Variants in RNF223 observed in about 807,000 individuals in gnomAD.
RNF223 encodes ring finger protein 223.
Under a neutral mutation model 13.9 loss-of-function variants are expected in RNF223, and 10 were observed. The ratio of observed to expected loss-of-function variants is 0.72; its 90% CI spans 0.44 to 1.22. The LOEUF (loss-of-function observed/expected upper bound fraction) is 1.22, where lower values mean the gene tolerates loss of function less well. RNF223 is among the 50% of genes most tolerant of loss of function. The probability of loss-of-function intolerance (pLI) is 0.00; values close to 1 mark genes in which losing one functional copy is unlikely to be tolerated. For missense variants in RNF223, 379 were observed against 380.0 expected, an observed-to-expected ratio of 1.00 and a Z score of 0.02; for synonymous variants, 168 against 173.3, an observed-to-expected ratio of 0.97 and a Z score of 0.24.
intron 1 of RNF223, among the ~76,000 whole-genome samples, chr1:1,073,648 C>T (rs1425210286): frequency 6.6e-6 from 1 of 152,108 alleles, no homozygotes; most frequent in Non-Finnish European, 1.5e-5. Flanking sequence ...CTGCAGGGAG[C>T]CACAGGGGTC....
rs1251190725 is a variant in RNF223 at position 1,072,426 on chromosome 1, G to A, written c.141C>T (p.Ser47=). The A allele has an allele frequency of 6.0e-6, 9 of 1,503,752 alleles. No homozygotes were observed. The highest frequency in any genetic ancestry group is 7.1e-6 in the Non-Finnish European group (8 of 1,133,088). 93.2% of individuals were successfully genotyped at this position (1,503,752 alleles called of 1,614,324 possible). A position where few individuals can be genotyped will look rare whatever the true frequency, so the allele number is the denominator to read the frequency against. The change falls in exon 2 of 2, where the codon TCC becomes TCT. Residue 47 remains serine, a synonymous_variant. Transcript: ENST00000453464. The part of the protein sequence containing the change: ...PGTPGSERVA[S]PLECSICFSG... ...AGAAACAGATGGAGCACTCCAGGGG[G>A]GAGGCCACCCTCTCCGAGCCAGGGG...
At position 1,072,021 on chromosome 1, in the gene RNF223, G is replaced by A; in HGVS notation, c.546C>T (p.Gly182=). 1 of 1,494,146 alleles carries A rather than the reference G, an allele frequency of 6.7e-7. No individual in the cohort carries two copies. Among genetic ancestry groups the A allele is most frequent in the Middle Eastern group, 1.7e-4 (1 of 5,846 alleles). 92.6% of individuals were successfully genotyped at this position (1,494,146 alleles called of 1,614,324 possible). A position where few individuals can be genotyped will look rare whatever the true frequency, so the allele number is the denominator to read the frequency against. The part of the protein sequence containing the change: ...APARDPAPRR[G]RLARCWARCR... ...AGCGCGCCCAGCAGCGGGCCAGGCG[G>A]CCCCGGCGGGGGGCAGGGTCCCGGG... is the stretch of plus-strand genomic sequence containing the variant. Residue 182 remains glycine, a synonymous_variant, in exon 2 of 2, where the codon GGC becomes GGT. Transcript: ENST00000453464.
chr1:1,072,287 C>T lies in RNF223; in HGVS notation c.280G>A (p.Glu94Lys). ...CTGCAGAAGGGGCAAGGTACAGCCT[C>T]ACCACCGGGGCGGCCCACAGGCTGA... ...AAQPVGRPGG[E>K]AVPCPFCRQP... The change falls in exon 2 of 2, where the codon GAG becomes AAG. Residue 94 changes from glutamate to lysine, a missense_variant. By Grantham distance (56) the Glu-to-Lys change is moderately conservative. Coordinates refer to ENST00000453464, the MANE Select transcript of RNF223 (RefSeq NM_001205252.2). The T allele has an allele frequency of 6.9e-7, 1 of 1,444,830 alleles. No individual in the cohort carries two copies. The highest frequency in any genetic ancestry group is 9.0e-7 in the Non-Finnish European group (1 of 1,105,488). 89.5% of individuals were successfully genotyped at this position (1,444,830 alleles called of 1,614,324 possible). A position where few individuals can be genotyped will look rare whatever the true frequency, so the allele number is the denominator to read the frequency against.
At position 1,072,160 on chromosome 1, in the gene RNF223, C is replaced by T. The variant is rs893818836; in HGVS notation, c.407G>A (p.Trp136Ter). ...PAHLRREEPVWLEGTKLCCQP... is the reference protein window; with the variant it reads ...PAHLRREEPV ...GCAGCACAGCTTGGTGCCCTCCAGCCACACAGGCTCCTCACGCCGCAAATG... is the reference window on the plus strand; with the variant it reads ...GCAGCACAGCTTGGTGCCCTCCAGCTACACAGGCTCCTCACGCCGCAAATG... The change falls in exon 2 of 2, where the codon TGG becomes TAG. Residue 136 changes from tryptophan to a stop codon, truncating the protein, a stop_gained. Coordinates refer to ENST00000453464, the MANE Select transcript of RNF223 (RefSeq NM_001205252.2). LOFTEE classifies it high-confidence loss of function. 1.5e-5 allele frequency: 22 copies of T among 1,513,712 alleles called. No homozygotes were observed. The African/African-American group carries it at 2.7e-4, about 19-fold the overall frequency. 93.8% of individuals were successfully genotyped at this position (1,513,712 alleles called of 1,614,324 possible).
Position 1,072,080 on chromosome 1 carries a change from C to G in RNF223, c.487G>C (p.Gly163Arg). 1.3e-6 allele frequency: 2 copies of G among 1,506,902 alleles called. No homozygotes were observed. The highest frequency in any genetic ancestry group is 1.8e-6 in the Non-Finnish European group (2 of 1,134,766). 93.3% of individuals were successfully genotyped at this position (1,506,902 alleles called of 1,614,324 possible). ...GGCGGCTCGGCAGGCTTGCTCAAAC[C>G]CACGTCCACGCATACGAAACCGGGC... ...REPGFVCVDV[G>R]LSKPAEPPAP... The change falls in exon 2 of 2, where the codon GGT becomes CGT. Residue 163 changes from glycine to arginine, a missense_variant. Coordinates refer to ENST00000453464, the MANE Select transcript of RNF223 (RefSeq NM_001205252.2).
At position 1,072,218 on chromosome 1, in the gene RNF223, T is replaced by C; in HGVS notation, c.349A>G (p.Thr117Ala). Residue 117 changes from threonine to alanine, a missense_variant, in exon 2 of 2, where the codon ACC becomes GCC. Thr to Ala is a moderately conservative substitution (Grantham distance 58). Transcript: ENST00000453464. Reference sequence around the variant, plus strand: ...ATCCGGGCCTGCAGCTGGCGGCTGGTGCACAGCGCGGGGGCTCCGGCGGGC... The same window carrying C: ...ATCCGGGCCTGCAGCTGGCGGCTGGCGCACAGCGCGGGGGCTCCGGCGGGC... ...VPPAGAPALC[T>A]SRQLQARMPA... is the part of the protein sequence containing the mutation. 4 of 1,489,892 alleles carry C rather than the reference T, an allele frequency of 2.7e-6. No homozygotes were observed. Among genetic ancestry groups the C allele is most frequent in the Non-Finnish European group, 3.6e-6 (4 of 1,126,586 alleles). 92.3% of individuals were successfully genotyped at this position (1,489,892 alleles called of 1,614,324 possible).
In RNF223 at chr1:1,072,426, G is replaced by T. The variant is rs1251190725; in HGVS notation, c.141C>A (p.Ser47=). The T allele has an allele frequency of 2.0e-6, 3 of 1,503,870 alleles. No homozygotes were observed. Among genetic ancestry groups the T allele is most frequent in the Non-Finnish European group, 2.6e-6 (3 of 1,133,080 alleles). 93.2% of individuals were successfully genotyped at this position (1,503,870 alleles called of 1,614,324 possible). A position where few individuals can be genotyped will look rare whatever the true frequency, so the allele number is the denominator to read the frequency against. Residue 47 remains serine, a synonymous_variant, in exon 2 of 2, where the codon TCC becomes TCA. Transcript: ENST00000453464. ...AGAAACAGATGGAGCACTCCAGGGG[G>T]GAGGCCACCCTCTCCGAGCCAGGGG... ...PGTPGSERVA[S]PLECSICFSG...
At chr1:1,073,710 G>C (rs1176534408) in intron 1 of RNF223, among the ~76,000 whole-genome samples, 4 of 152,130 alleles carry the variant, frequency 2.6e-5, no homozygotes, top group Non-Finnish European at 4.4e-5. Context: ...GGGCCTGGCC[G>C]TGCGTCCCCG....
Position 1,072,487 on chromosome 1 carries a change from G to A in RNF223, c.80C>T (p.Ser27Phe). ...CCTGGGGCTGCCGGCCGAGCTGGGG[G>A]ACCTGGGCATCGAGGCTATGGAGCT... ...RSSSIASMPR[S>F]PSSAGSPRSP... Residue 27 changes from serine (S) to phenylalanine (F), a missense_variant, in exon 2 of 2, where the codon TCC (serine) becomes TTC (phenylalanine). Ser to Phe is a radical substitution (Grantham distance 155, BLOSUM62 -2). Transcript: ENST00000453464. 6.5e-7 allele frequency: 1 copy of A among 1,532,144 alleles called. No individual in the cohort carries two copies. The allele number at this position is 1,532,144 out of a possible 1,614,324, so 94.9% of individuals were successfully genotyped here.
In RNF223 at chr1:1,074,302, G is replaced by C. The variant is rs925956831; in HGVS notation, c.-296C>G. The C allele has an allele frequency of 1.3e-5, 2 of 152,374 alleles. No homozygotes were observed. Among genetic ancestry groups the C allele is most frequent in the Non-Finnish European group, 2.9e-5 (2 of 68,202 alleles). The allele number at this position is 152,374 out of a possible 1,614,324, so 9.4% of individuals were successfully genotyped here. A position where few individuals can be genotyped will look rare whatever the true frequency, so the allele number is the denominator to read the frequency against. On this transcript the variant is annotated 5_prime_UTR_variant, in exon 1 of 2. Coordinates refer to ENST00000453464, the MANE Select transcript of RNF223 (RefSeq NM_001205252.2). ...GAGCTCTGGTCTGAGGCAGGTGTGA[G>C]TTGCTGGGTGTGGGCTCCCAAGCAG...
chr1:1,071,770 C>T lies in RNF223; in HGVS notation c.*47G>A, dbSNP rs1324435411. 3.5e-6 allele frequency: 5 copies of T among 1,411,824 alleles called. No individual in the cohort carries two copies. The East Asian group carries it at 8.3e-5, about 24-fold the overall frequency. 87.5% of individuals were successfully genotyped at this position (1,411,824 alleles called of 1,614,324 possible). A position where few individuals can be genotyped will look rare whatever the true frequency, so the allele number is the denominator to read the frequency against. ...CTTGGGCCCCCCAGTGGGGGACGCC[C>T]CATGGAGCTGGGCGAGGGCGGCTGA... On this transcript the variant is annotated 3_prime_UTR_variant, in exon 2 of 2. Coordinates refer to ENST00000453464, the MANE Select transcript of RNF223 (RefSeq NM_001205252.2).
Position 1,072,136 on chromosome 1 carries a change from C to CG in RNF223, c.430_431insC (p.Cys144SerfsTer105), listed in dbSNP as rs1372495766. The CG allele has an allele frequency of 5.3e-6, 8 of 1,517,426 alleles. No individual in the cohort carries two copies. Among genetic ancestry groups the CG allele is most frequent in the East Asian group, 2.6e-5 (1 of 39,016 alleles). 94.0% of individuals were successfully genotyped at this position (1,517,426 alleles called of 1,614,324 possible). ...GCCAGGTGTGGTGGGCAGTGGCTGG[C>CG]AGCACAGCTTGGTGCCCTCCAGCCA... On this transcript the variant is annotated frameshift_variant, in exon 2 of 2. Coordinates refer to ENST00000453464, the MANE Select transcript of RNF223 (RefSeq NM_001205252.2). LOFTEE classifies it high-confidence loss of function.
Position 1,072,520 on chromosome 1 carries a change from C to T in RNF223, c.47G>A (p.Arg16His), listed in dbSNP as rs758629489. ...QVWHTAVPPP[R>H]RSSSIASMPR... Reference sequence around the variant, plus strand: ...CATCGAGGCTATGGAGCTGCTCCGGCGAGGGGGTGGCACAGCCGTGTGCCA... The same window carrying T: ...CATCGAGGCTATGGAGCTGCTCCGGTGAGGGGGTGGCACAGCCGTGTGCCA... The change falls in exon 2 of 2, where the codon CGC becomes CAC. Residue 16 changes from arginine to histidine, a missense_variant. Coordinates refer to ENST00000453464, the MANE Select transcript of RNF223 (RefSeq NM_001205252.2). 1.8e-5 allele frequency: 28 copies of T among 1,531,986 alleles called. No individual in the cohort carries two copies. In the Middle Eastern group the frequency reaches 2.3e-3, roughly 128 times the overall value. 94.9% of individuals were successfully genotyped at this position (1,531,986 alleles called of 1,614,324 possible).
Position 1,072,112 on chromosome 1 carries a change from C to A in RNF223, c.455G>T (p.Gly152Val). 6.6e-7 allele frequency: 1 copy of A among 1,516,348 alleles called. No individual in the cohort carries two copies. The highest frequency in any genetic ancestry group is 8.8e-7 in the Non-Finnish European group (1 of 1,139,228). 93.9% of individuals were successfully genotyped at this position (1,516,348 alleles called of 1,614,324 possible). A position where few individuals can be genotyped will look rare whatever the true frequency, so the allele number is the denominator to read the frequency against. ...LCCQPLPTTP[G>V]REPGFVCVDV... ...CACGCATACGAAACCGGGCTCGCGG[C>A]CAGGTGTGGTGGGCAGTGGCTGGCA... is the stretch of plus-strand genomic sequence containing the variant. Residue 152 changes from glycine to valine, a missense_variant, in exon 2 of 2, where the codon GGC becomes GTC. By Grantham distance (109) the Gly-to-Val change is moderately radical. Coordinates refer to ENST00000453464, the MANE Select transcript of RNF223 (RefSeq NM_001205252.2).
chr1:1,072,310 T>C lies in RNF223; in HGVS notation c.257A>G (p.Gln86Arg). ...LECLARLAAA[Q>R]PVGRPGGEAV... Reference sequence around the variant, plus strand: ...CTCACCACCGGGGCGGCCCACAGGCTGAGCAGCCGCCAGCCGGGCCAGGCA... The same window carrying C: ...CTCACCACCGGGGCGGCCCACAGGCCGAGCAGCCGCCAGCCGGGCCAGGCA... The change falls in exon 2 of 2, where the codon CAG becomes CGG. Residue 86 changes from glutamine (Q) to arginine (R), a missense_variant. Coordinates refer to ENST00000453464, the MANE Select transcript of RNF223 (RefSeq NM_001205252.2). 1 of 1,445,884 alleles carries C rather than the reference T, an allele frequency of 6.9e-7. No individual in the cohort carries two copies. The highest frequency in any genetic ancestry group is 9.0e-7 in the Non-Finnish European group (1 of 1,106,382). 89.6% of individuals were successfully genotyped at this position (1,445,884 alleles called of 1,614,324 possible).
At chr1:1,072,663 TC>T in intron 1 of RNF223, 88 bp from the exon 2 acceptor site, 1 of 1,141,604 alleles carries the variant, frequency 8.8e-7, no homozygotes, top group Non-Finnish European at 1.2e-6. Flanking sequence ...GCCCCAGAGA[TC>T]CCAGGGAAGG....
In RNF223 at chr1:1,071,954, G is replaced by A; in HGVS notation, c.613C>T (p.Leu205=). ...RRMALVSALL[L]MLFCVALWPV... is the part of the protein sequence containing the mutation. ...CAGAGTGCCACACAGAAGAGCATCA[G>A]CAGCAGGGCAGAGACCAGTGCCATG... Residue 205 remains leucine (L), a synonymous_variant, in exon 2 of 2, where the codon CTG becomes TTG. Transcript: ENST00000453464. 6.5e-7 allele frequency: 1 copy of A among 1,533,954 alleles called. No homozygotes were observed. The highest frequency in any genetic ancestry group is 8.7e-7 in the Non-Finnish European group (1 of 1,145,930).
chr1:1,072,599 G>A (rs1022926192), intron 1 of RNF223, 24 bp from the exon 2 acceptor site: 1 of 1,442,604 alleles, frequency 6.9e-7, no homozygotes, highest in Non-Finnish European at 9.1e-7. Context: ...ACTGTGGTAA[G>A]CAATCACCGG....
intron 1 of RNF223, among the ~76,000 whole-genome samples, chr1:1,073,128 G>A (rs1328372696): frequency 6.6e-6 from 1 of 152,256 alleles, no homozygotes; most frequent in Non-Finnish European, 1.5e-5. Flanking sequence ...GTCAAGTGAA[G>A]TGAGTTTGAA....
Sources: allele counts gnomAD v4.1 joint callset (sites outside exome capture counted in the v4.1 genomes callset), GRCh38; gene constraint gnomAD v4.1.1; transcripts MANE v1.5; gene names NCBI Gene and HGNC (gene_info 2026-07-23, HGNC 2026-07-21).